Variants in CNTN5 observed in about 807,000 individuals in gnomAD.
CNTN5 encodes contactin-5.
Under a neutral mutation model 129.1 loss-of-function variants are expected in CNTN5, and 77 were observed. That is an observed-to-expected ratio of 0.60 (90% confidence interval 0.50 to 0.72). The LOEUF is 0.72. CNTN5 is among the 30% of genes least tolerant of loss of function. CNTN5 has a pLI of 0.00. For synonymous variants in CNTN5, 509 were observed against 465.6 expected (o/e 1.09, Z -1.20); for missense variants, 1,478 against 1,328.8 (o/e 1.11, Z -1.75).
chr11:99,895,554 T>A (rs12417826), intron 6 of CNTN5, among the ~76,000 whole-genome samples: 1 of 152,094 alleles, frequency 6.6e-6, no homozygotes. Flanking sequence ...AGGACCCACA[T>A]AGAGCAGAGA....
In CNTN5 at chr11:99,026,444, G is replaced by A. The variant is rs191899918; in HGVS notation, c.-210+5174G>A. 9.7e-3 allele frequency among the ~76,000 whole-genome samples: 1,472 copies of A among 151,604 alleles called. 15 individuals carry two copies. Among genetic ancestry groups the A allele is most frequent in the Admixed American group, 0.021 (315 of 15,224 alleles). On this transcript the variant is annotated intron_variant, in intron 1 of 24. Transcript: ENST00000524871. Reference sequence around the variant, plus strand: ...TTCAAAAGTTATGGCATTGATAAGAGAATTGAAACTCTAAGCTTCATAATT... The same window carrying A: ...TTCAAAAGTTATGGCATTGATAAGAAAATTGAAACTCTAAGCTTCATAATT...
chr11:99,717,448 CTA>C (rs1955288362), intron 3 of CNTN5, among the ~76,000 whole-genome samples: 1 of 151,900 alleles, frequency 6.6e-6, no homozygotes, highest in Non-Finnish European at 1.5e-5. Flanking sequence ...CAATAAAATT[CTA>C]TCAGTAATAT....
intron 1 of CNTN5, among the ~76,000 whole-genome samples, chr11:99,043,093 A>G (rs569345152): frequency 7.2e-5 from 11 of 152,318 alleles, no homozygotes; most frequent in Non-Finnish European, 1.5e-4. Flanking sequence ...TTAGGAAAGG[A>G]GTTGCAGGAA....
intron 3 of CNTN5, among the ~76,000 whole-genome samples, chr11:99,616,569 T>G (rs925872235): frequency 6.6e-6 from 1 of 152,200 alleles, no homozygotes; most frequent in Non-Finnish European, 1.5e-5. Flanking sequence ...TTTCTTATAA[T>G]CTAGTAGAGA....
At chr11:99,415,511 G>A (rs1942616593) in intron 2 of CNTN5, among the ~76,000 whole-genome samples, 1 of 152,118 alleles carries the variant, frequency 6.6e-6, no homozygotes, top group African/African-American at 2.4e-5. Context: ...ATGGCCAGCT[G>A]TTATGCAGAA....
At chr11:99,080,308 A>G (rs1213943910) in intron 1 of CNTN5, among the ~76,000 whole-genome samples, 1 of 152,238 alleles carries the variant, frequency 6.6e-6, no homozygotes, top group East Asian at 1.9e-4. Flanking sequence ...GAATCTGAAT[A>G]CGCCATTACA....
chr11:99,276,715 A>G (rs1031664574), intron 1 of CNTN5, among the ~76,000 whole-genome samples: 3 of 151,468 alleles, frequency 2.0e-5, no homozygotes, highest in Non-Finnish European at 4.4e-5. Context: ...TTTTTATTTG[A>G]GTGTATTTTT....
chr11:99,979,752 A>G (rs1452164057), intron 8 of CNTN5, among the ~76,000 whole-genome samples: 1 of 152,200 alleles, frequency 6.6e-6, no homozygotes, highest in African/African-American at 2.4e-5. Context: ...ACTATTTACA[A>G]TATTCTGTAG....
At position 99,916,084 on chromosome 11, in the gene CNTN5, G is replaced by A. The variant is rs773455557; in HGVS notation, c.608G>A (p.Ser203Asn). The change falls in exon 7 of 25, where the codon AGT (serine) becomes AAT (asparagine). Residue 203 changes from serine to asparagine, a missense_variant. By Grantham distance (46) the Ser-to-Asn change is conservative (BLOSUM62 1). Transcript: ENST00000524871. ...YLGNFSGRTR[S>N]AVSVREGQGV... Reference sequence around the variant, plus strand: ...GGAAATTTTAGTGGCCGGACAAGAAGTGCAGTCTCTGTGAGGGAAGGCCAG... The same window carrying A: ...GGAAATTTTAGTGGCCGGACAAGAAATGCAGTCTCTGTGAGGGAAGGCCAG... 5.0e-6 allele frequency: 8 copies of A among 1,612,446 alleles called. No homozygotes were observed. The South Asian group carries it at 8.8e-5, about 18-fold the overall frequency.
chr11:99,712,506 G>A (rs1215654385), intron 3 of CNTN5, among the ~76,000 whole-genome samples: 1 of 151,942 alleles, frequency 6.6e-6, no homozygotes, highest in Non-Finnish European at 1.5e-5. Flanking sequence ...GTCTATTTTG[G>A]CTTTTGTTGT....
At chr11:99,722,812 G>A (rs1282082664) in intron 3 of CNTN5, among the ~76,000 whole-genome samples, 3 of 151,450 alleles carry the variant, frequency 2.0e-5, no homozygotes, top group South Asian at 4.2e-4. Context: ...AGCCCATATG[G>A]GTTATATATT....
chr11:100,117,071 A>C (rs1381964000), intron 13 of CNTN5, among the ~76,000 whole-genome samples: 2 of 152,010 alleles, frequency 1.3e-5, no homozygotes, highest in Admixed American at 6.6e-5. Flanking sequence ...TCAGTTAAAA[A>C]ATAAAATAAA....
At chr11:100,075,193 T>A (rs1056596197) in intron 13 of CNTN5, among the ~76,000 whole-genome samples, 3 of 152,242 alleles carry the variant, frequency 2.0e-5, no homozygotes, top group South Asian at 2.1e-4. Context: ...TTTTGAAAAA[T>A]TTTTAAAAAT....
chr11:99,328,957 C>T (rs282494), intron 2 of CNTN5, among the ~76,000 whole-genome samples: 83,000 of 149,784 alleles, frequency 0.55, 23,472 homozygotes, highest in Middle Eastern at 0.65. Flanking sequence ...TAAGTAAATA[C>T]ATGTATAAGT....
At position 100,166,728 on chromosome 11, in the gene CNTN5, T is replaced by C. The variant is rs187907437; in HGVS notation, c.1581-24398T>C. ...AGGAAAGTAGTTACTAGCTTTGTGTTAATGACTTTTAATTTGTGTACACTT... is the reference window on the plus strand; with the variant it reads ...AGGAAAGTAGTTACTAGCTTTGTGTCAATGACTTTTAATTTGTGTACACTT... On this transcript the variant is annotated intron_variant, in intron 13 of 24. Coordinates refer to ENST00000524871, the MANE Select transcript of CNTN5 (RefSeq NM_014361.4). Among the ~76,000 whole-genome samples the C allele has an allele frequency of 4.0e-5, 6 of 148,662 alleles. No individual in the cohort carries two copies. The East Asian group carries it at 1.2e-3, about 30-fold the overall frequency.
intron 1 of CNTN5, among the ~76,000 whole-genome samples, chr11:99,113,918 TTTTAC>T (rs1857917341): frequency 6.6e-6 from 1 of 152,174 alleles, no homozygotes; most frequent in South Asian, 2.1e-4. Flanking sequence ...AAGTTTTAGT[TTTTAC>T]TTTAATTATA....
intron 6 of CNTN5, among the ~76,000 whole-genome samples, chr11:99,886,080 A>C (rs910893014): frequency 3.9e-5 from 6 of 152,130 alleles, no homozygotes; most frequent in African/African-American, 1.4e-4. Context: ...ATAATCTCTG[A>C]TAACTTTGAG....
At chr11:99,981,784 A>G (rs186873409) in intron 8 of CNTN5, among the ~76,000 whole-genome samples, 3 of 152,288 alleles carry the variant, frequency 2.0e-5, no homozygotes, top group Non-Finnish European at 1.5e-5. Flanking sequence ...AGTATAATCA[A>G]TGTTTAAAAC....
In CNTN5 at chr11:99,657,067, GAA is replaced by G. The variant is rs35174748; in HGVS notation, c.55+100809_55+100810del. On this transcript the variant is annotated intron_variant, in intron 3 of 24. Transcript: ENST00000524871. ...TGTCCCAGTGCCCAACAAAAAATAA[GAA>G]AAAAAAAAAAGAGAAAAAAAATAAA... 1.6e-3 allele frequency among the ~76,000 whole-genome samples: 231 copies of G among 140,908 alleles called. 2 individuals are homozygous for G. The highest frequency in any genetic ancestry group is 2.7e-3 in the Non-Finnish European group (173 of 65,282). The allele number at this position is 140,908 out of a possible 152,430, so 92.4% of individuals were successfully genotyped here.
Sources: gnomAD v4.1 joint callset for allele counts (sites outside exome capture counted in the v4.1 genomes callset) on GRCh38, gnomAD v4.1.1 for gene constraint, MANE v1.5 for transcripts, NCBI Gene and HGNC (gene_info 2026-07-23, HGNC 2026-07-21) for gene names.